LINGO2: variants seen among roughly 807,000 people sequenced by gnomAD.
LINGO2 encodes leucine-rich repeat and immunoglobulin-like domain-containing nogo receptor-interacting protein 2.
Under a neutral mutation model 30.6 loss-of-function variants are expected in LINGO2, and 14 were observed. The observed-to-expected ratio is 0.46, with a 90% CI of 0.30 to 0.72. The LOEUF is 0.72. Ranked by LOEUF, LINGO2 falls within the 30% of genes least tolerant of loss-of-function variation. The pLI is 0.07. For missense variants in LINGO2, 729 were observed against 751.7 expected, an observed-to-expected ratio of 0.97 and a Z score of 0.35; for synonymous variants, 317 against 288.5, an observed-to-expected ratio of 1.10 and a Z score of -1.00.
chr9:28,764,608 C>G, the LINGO2 span, among the ~76,000 whole-genome samples: 1 of 151,852 alleles, frequency 6.6e-6, no homozygotes, highest in Non-Finnish European at 1.5e-5. Flanking sequence ...AAGATGTCCA[C>G]TATTACCACT....
intron 1 of LINGO2, among the ~76,000 whole-genome samples, chr9:28,498,951 T>C (rs1040877223): frequency 6.6e-6 from 1 of 152,320 alleles, no homozygotes; most frequent in East Asian, 1.9e-4. Flanking sequence ...TTATCCACTA[T>C]GATATTTTAC....
At chr9:28,004,789 G>A (rs941857732) in intron 5 of LINGO2, among the ~76,000 whole-genome samples, 1 of 152,182 alleles carries the variant, frequency 6.6e-6, no homozygotes, top group African/African-American at 2.4e-5. Flanking sequence ...CACCAAAATA[G>A]GGTGATGGTT....
At chr9:27,954,790 A>C (rs1003446307) in intron 5 of LINGO2, among the ~76,000 whole-genome samples, 4 of 152,176 alleles carry the variant, frequency 2.6e-5, no homozygotes, top group Admixed American at 1.3e-4. Context: ...GGATCATACG[A>C]GAGTTCTATT....
the LINGO2 span, among the ~76,000 whole-genome samples, chr9:28,693,729 T>G: frequency 6.6e-6 from 1 of 152,122 alleles, no homozygotes; most frequent in Non-Finnish European, 1.5e-5. Context: ...TTTTAGAACC[T>G]GAAAAATAAT....
chr9:28,084,279 A>C (rs569913092), intron 4 of LINGO2, among the ~76,000 whole-genome samples: 9 of 152,280 alleles, frequency 5.9e-5, no homozygotes, highest in African/African-American at 2.2e-4. Context: ...TGGCTTTTAA[A>C]AACAATTTAA....
the LINGO2 span, among the ~76,000 whole-genome samples, chr9:28,958,077 G>T: frequency 6.6e-6 from 1 of 152,108 alleles, no homozygotes; most frequent in African/African-American, 2.4e-5. Context: ...AATTATTAAT[G>T]ATGCTCCTTC....
intron 4 of LINGO2, among the ~76,000 whole-genome samples, chr9:28,014,331 G>C (rs1425039164): frequency 2.0e-5 from 3 of 152,084 alleles, no homozygotes; most frequent in Non-Finnish European, 4.4e-5. Context: ...CTTGATACAA[G>C]TGCTACTCAT....
chr9:28,198,139 A>T (rs974282144), intron 4 of LINGO2, among the ~76,000 whole-genome samples: 1 of 151,446 alleles, frequency 6.6e-6, no homozygotes, highest in Non-Finnish European at 1.5e-5. Flanking sequence ...TATTTGAGGA[A>T]CAACATTGAG....
the LINGO2 span, among the ~76,000 whole-genome samples, chr9:29,150,492 G>A: frequency 6.6e-6 from 1 of 152,140 alleles, no homozygotes; most frequent in Non-Finnish European, 1.5e-5. Flanking sequence ...TGTGATTCAG[G>A]AGAAAGTTGA....
intron 1 of LINGO2, among the ~76,000 whole-genome samples, chr9:28,492,208 T>C (rs537902732): frequency 4.5e-4 from 69 of 152,328 alleles, no homozygotes; most frequent in Non-Finnish European, 1.0e-4. Flanking sequence ...GTTGTGTATC[T>C]TGCATGTGCC....
downstream of LINGO2, among the ~76,000 whole-genome samples, chr9:27,945,383 A>G (rs1291149409): frequency 3.6e-4 from 55 of 152,162 alleles, no homozygotes; most frequent in Non-Finnish European, 8.8e-5. Flanking sequence ...TGAGGAACAC[A>G]GAATATTTGA....
rs201759263 is a variant in LINGO2, at chr9:28,243,457, C to CAAA, written c.-87+51748_-87+51750dup. ...CCTGTGCGACGGAGAAAGACTCTCTCAAAAAATAAAAAAAGAAGAAGAAGA... is the reference window on the plus strand; with the variant it reads ...CCTGTGCGACGGAGAAAGACTCTCTCAAAAAAAAATAAAAAAAGAAGAAGAAGA... On this transcript the variant is annotated intron_variant, in intron 4 of 5. Transcript: ENST00000379992. Among the ~76,000 whole-genome samples, 876 of 98,246 alleles carry CAAA rather than the reference C, an allele frequency of 8.9e-3. 10 individuals carry two copies. The highest frequency in any genetic ancestry group is 0.02 in the South Asian group (57 of 2,868). 64.5% of individuals were successfully genotyped at this position (98,246 alleles called of 152,430 possible). A position where few individuals can be genotyped will look rare whatever the true frequency, so the allele number is the denominator to read the frequency against.
At chr9:28,250,557 T>TA (rs1186751744) in intron 4 of LINGO2, among the ~76,000 whole-genome samples, 1 of 152,126 alleles carries the variant, frequency 6.6e-6, no homozygotes, top group East Asian at 1.9e-4. Context: ...TTTTAGACTT[T>TA]AATAACTCTG....
At chr9:28,676,016 C>T in the LINGO2 span, among the ~76,000 whole-genome samples, 2 of 149,582 alleles carry the variant, frequency 1.3e-5, no homozygotes, top group South Asian at 2.1e-4. Flanking sequence ...TGAAATCTAG[C>T]TGTTTCAATT....
chr9:28,083,188 G>A (rs970017239), intron 4 of LINGO2, among the ~76,000 whole-genome samples: 1 of 152,188 alleles, frequency 6.6e-6, no homozygotes, highest in Non-Finnish European at 1.5e-5. Flanking sequence ...TGCTTTTGGT[G>A]AGCACAAGGA....
At chr9:28,277,083 A>T (rs1178815702) in intron 4 of LINGO2, among the ~76,000 whole-genome samples, 1 of 152,162 alleles carries the variant, frequency 6.6e-6, no homozygotes. Flanking sequence ...ACTTTGTGAT[A>T]CTGCATTTTT....
At chr9:29,171,773 G>A in the LINGO2 span, among the ~76,000 whole-genome samples, 5 of 151,680 alleles carry the variant, frequency 3.3e-5, no homozygotes, top group Non-Finnish European at 7.4e-5. Context: ...TTTTTAATAT[G>A]ATATATCCCA....
rs1386327658 is a variant in LINGO2, at chr9:28,351,528, A to C, written c.-246+21308T>G. ...AATCAATAGCTTACCAACCAAAAAG[A>C]GTCCAGGACCAGATGGATTCACAGC... On this transcript the variant is annotated intron_variant, in intron 3 of 5. Coordinates refer to ENST00000379992, the Ensembl canonical transcript of LINGO2. Among the ~76,000 whole-genome samples the C allele has an allele frequency of 5.6e-3, 836 of 148,002 alleles. 4 individuals carry two copies. Among genetic ancestry groups the C allele is most frequent in the African/African-American group, 0.02 (801 of 39,986 alleles).
chr9:28,583,254 G>A (rs142055026), intron 1 of LINGO2, among the ~76,000 whole-genome samples: 34 of 151,994 alleles, frequency 2.2e-4, no homozygotes, highest in African/African-American at 7.9e-4. Context: ...TAGTTTCATA[G>A]CTCCAATGAC....
Sources: allele counts gnomAD v4.1 joint callset (sites outside exome capture counted in the v4.1 genomes callset), GRCh38; gene constraint gnomAD v4.1.1; transcripts MANE v1.5; gene names NCBI Gene and HGNC (gene_info 2026-07-23, HGNC 2026-07-21).